BCLAF1: variants seen among roughly 807,000 people sequenced by gnomAD.
BCLAF1 encodes BCL2 associated transcription factor 1.
A neutral mutation model predicts 99.5 loss-of-function variants in BCLAF1; 10 were observed. The observed-to-expected ratio is 0.10, with a 90% CI of 0.06 to 0.17. BCLAF1 has a LOEUF of 0.17. BCLAF1 is among the 10% of genes least tolerant of loss of function. The pLI, the probability that BCLAF1 is intolerant of heterozygous loss-of-function variation, is 1.00. For missense variants in BCLAF1, 636 were observed against 1,105.8 expected, an observed-to-expected ratio of 0.58 and a Z score of 6.02; for synonymous variants, 255 against 370.9, an observed-to-expected ratio of 0.69 and a Z score of 3.59.
At position 136,261,086 on chromosome 6, in the gene BCLAF1, T is replaced by C. The variant is rs779916409; in HGVS notation, c.*24A>G. On this transcript the variant is annotated 3_prime_UTR_variant, in exon 13 of 13. Transcript: ENST00000531224. ...AAAATGGTGGGTGCAAGTTCTGCTC[T>C]GTTGTAATCTTACTTCATATTTATT... 7.7e-6 allele frequency: 12 copies of C among 1,563,132 alleles called. No individual in the cohort carries two copies. The highest frequency in any genetic ancestry group is 6.1e-5 in the Admixed American group (3 of 49,586).
rs1474198177 is a variant in BCLAF1, at chr6:136,275,597, T to C, written c.1787A>G (p.Gln596Arg). 19 of 1,594,668 alleles carry C rather than the reference T, an allele frequency of 1.2e-5. No homozygotes were observed. The highest frequency in any genetic ancestry group is 1.6e-5 in the Non-Finnish European group (19 of 1,172,212). Residue 596 changes from glutamine to arginine, a missense_variant, in exon 6 of 13, where the codon CAG (glutamine) becomes CGG (arginine). Coordinates refer to ENST00000531224, the MANE Select transcript of BCLAF1 (RefSeq NM_014739.3). ...RSIFDHIKLP[Q>R]ASKSTSESFI... The stretch of plus-strand genomic sequence containing the variant: ...TGACTCTGAAGTGCTTTTGCTGGCC[T>C]GTGGCAACTTAATGTGGTCAAAGAT...
intron 11 of BCLAF1, among the ~76,000 whole-genome samples, chr6:136,265,457 C>A (rs116427299): frequency 1.5e-3 from 223 of 152,274 alleles, no homozygotes; most frequent in African/African-American, 5.2e-3. Flanking sequence ...TCAAATCTAG[C>A]CCCTTAGTTC....
At chr6:136,280,239 T>C (rs571115479) in intron 2 of BCLAF1, among the ~76,000 whole-genome samples, 3 of 152,248 alleles carry the variant, frequency 2.0e-5, no homozygotes, top group Admixed American at 6.5e-5. Flanking sequence ...GTAAGAAAGA[T>C]AAATAATAAA....
At position 136,259,513 on chromosome 6, in the gene BCLAF1, T is replaced by C. The variant is rs1780721300; in HGVS notation, c.*1597A>G. 2.0e-5 allele frequency: 3 copies of C among 152,078 alleles called. No homozygotes were observed. In the South Asian group the frequency reaches 6.2e-4, roughly 31 times the overall value. 9.4% of individuals were successfully genotyped at this position (152,078 alleles called of 1,614,324 possible). ...ATGCCCTGATTAATGCAATACATAC[T>C]TCCTTTGGCAGGTATTTCCTCTGCT... On this transcript the variant is annotated 3_prime_UTR_variant, in exon 13 of 13. Coordinates refer to ENST00000531224, the MANE Select transcript of BCLAF1 (RefSeq NM_014739.3).
chr6:136,274,954 TATATA>T (rs1480161553), intron 6 of BCLAF1, among the ~76,000 whole-genome samples: 2 of 152,076 alleles, frequency 1.3e-5, no homozygotes, highest in African/African-American at 2.4e-5. Flanking sequence ...AATCAGTATT[TATATA>T]ATATACTTCT....
At chr6:136,277,314 T>C (rs1783570156) in intron 4 of BCLAF1, among the ~76,000 whole-genome samples, 1 of 152,192 alleles carries the variant, frequency 6.6e-6, no homozygotes, top group Non-Finnish European at 1.5e-5. Flanking sequence ...GAACATGCAA[T>C]ATAGCTGCAT....
intron 9 of BCLAF1, chr6:136,269,098 T>C (rs772094592): frequency 1.5e-5 from 17 of 1,150,948 alleles, no homozygotes; most frequent in Non-Finnish European, 1.8e-5. Context: ...GTGTTATGAG[T>C]TGAAAAAGTG....
In BCLAF1 at chr6:136,258,939, G is replaced by C. The variant is rs963463802; in HGVS notation, c.*2171C>G. 8 of 152,442 alleles carry C rather than the reference G, an allele frequency of 5.2e-5. No homozygotes were observed. The highest frequency in any genetic ancestry group is 1.2e-4 in the Non-Finnish European group (8 of 67,882). 9.4% of individuals were successfully genotyped at this position (152,442 alleles called of 1,614,324 possible). ...ATTGCCCCTCTCTAGGCAAAACAAA[G>C]TATGTTAACGCAGGTATCAGTGAGT... is the stretch of plus-strand genomic sequence containing the variant. On this transcript the variant is annotated 3_prime_UTR_variant, in exon 13 of 13. Transcript: ENST00000531224.
chr6:136,267,305 G>A (rs1781843450), intron 10 of BCLAF1, 130 bp from the exon 11 acceptor site: 1 of 1,079,176 alleles, frequency 9.3e-7, no homozygotes, highest in African/African-American at 1.6e-5. Flanking sequence ...GGCCATTGAG[G>A]ATGAAAAGGA....
At chr6:136,275,099 TGAAAA>T (rs1360654587) in intron 6 of BCLAF1, among the ~76,000 whole-genome samples, 1 of 152,062 alleles carries the variant, frequency 6.6e-6, no homozygotes, top group Non-Finnish European at 1.5e-5. Context: ...CTTTAAAAGT[TGAAAA>T]GAAATTCTTA....
At chr6:136,268,092 T>G (rs758674558) in intron 10 of BCLAF1, 70 bp downstream of exon 10, 17 of 1,342,616 alleles carry the variant, frequency 1.3e-5, no homozygotes, top group Non-Finnish European at 1.6e-5. Flanking sequence ...ATCATGTATA[T>G]GACCTTCCTT....
At chr6:136,270,984 AT>A (rs1186469010) in intron 8 of BCLAF1, among the ~76,000 whole-genome samples, 2 of 151,864 alleles carry the variant, frequency 1.3e-5, no homozygotes, top group African/African-American at 2.4e-5. Flanking sequence ...AACAAAAAAA[AT>A]AACAGAACAA....
rs145024477 is a variant in BCLAF1 at position 136,276,915 on chromosome 6, C to G, written c.1017-407G>C. On this transcript the variant is annotated intron_variant, in intron 4 of 12. Coordinates refer to ENST00000531224, the MANE Select transcript of BCLAF1 (RefSeq NM_014739.3). Reference sequence around the variant, plus strand: ...TCCAGATATTATCTATTAATATAAACAAGAGTTCACACAAATGGATTTAAT... The same window carrying G: ...TCCAGATATTATCTATTAATATAAAGAAGAGTTCACACAAATGGATTTAAT... Among the ~76,000 whole-genome samples, 453 of 152,206 alleles carry G rather than the reference C, an allele frequency of 3.0e-3. 1 individual carries two copies. Among genetic ancestry groups the G allele is most frequent in the African/African-American group, 9.7e-3 (401 of 41,530 alleles).
intron 11 of BCLAF1, among the ~76,000 whole-genome samples, chr6:136,262,647 A>G (rs1371211292): frequency 1.3e-5 from 2 of 152,206 alleles, no homozygotes; most frequent in Non-Finnish European, 2.9e-5. Flanking sequence ...ACATGACTCT[A>G]TAATGAATGA....
At chr6:136,264,137 T>C (rs1286290746) in intron 11 of BCLAF1, among the ~76,000 whole-genome samples, 2 of 152,170 alleles carry the variant, frequency 1.3e-5, no homozygotes, top group Non-Finnish European at 2.9e-5. Flanking sequence ...TAAGTATTCA[T>C]ACATACAGAA....
chr6:136,284,523 G>A (rs1039740974), intron 1 of BCLAF1, among the ~76,000 whole-genome samples: 7 of 152,152 alleles, frequency 4.6e-5, no homozygotes, highest in African/African-American at 9.7e-5. Context: ...ACAAATCATA[G>A]TAAACTAAAC....
intron 6 of BCLAF1, among the ~76,000 whole-genome samples, 168 bp downstream of exon 6, chr6:136,275,364 C>T (rs1783138408): frequency 6.6e-6 from 1 of 152,120 alleles, no homozygotes; most frequent in Non-Finnish European, 1.5e-5. Flanking sequence ...AGTTTCAATG[C>T]TAGCAAGACT....
At chr6:136,270,605 T>C (rs1384899477) in intron 8 of BCLAF1, among the ~76,000 whole-genome samples, 1 of 151,850 alleles carries the variant, frequency 6.6e-6, no homozygotes, top group Non-Finnish European at 1.5e-5. Context: ...AAAACCTTCC[T>C]ATTCACCTAG....
At chr6:136,267,259 A>G in intron 10 of BCLAF1, 84 bp from the exon 11 acceptor site, 2 of 1,414,292 alleles carry the variant, frequency 1.4e-6, no homozygotes, top group Non-Finnish European at 9.7e-7. Context: ...TGCAGTAACA[A>G]AAAACATATG....
Sources: gnomAD v4.1 joint callset for allele counts (sites outside exome capture counted in the v4.1 genomes callset) on GRCh38, gnomAD v4.1.1 for gene constraint, MANE v1.5 for transcripts, NCBI Gene and HGNC (gene_info 2026-07-23, HGNC 2026-07-21) for gene names.